The following ITGAV variants were observed in gnomAD, a reference collection of about 807,000 sequenced individuals.
ITGAV encodes the protein integrin alpha-V.
Under a neutral mutation model 143.8 loss-of-function variants are expected in ITGAV, and 76 were observed. That is an observed-to-expected ratio of 0.53 (90% CI 0.44 to 0.64). The LOEUF is 0.64. Ranked by LOEUF, ITGAV falls within the 30% of genes least tolerant of loss-of-function variation. The pLI, the probability that ITGAV is intolerant of heterozygous loss-of-function variation, is 0.00. For missense variants in ITGAV, 1,193 were observed against 1,274.7 expected (o/e 0.94, Z 0.98); for synonymous variants, 453 against 446.7 (o/e 1.01, Z -0.18).
intron 26 of ITGAV, among the ~76,000 whole-genome samples, chr2:186,671,450 A>C (rs1055821305): frequency 3.3e-5 from 5 of 152,078 alleles, no homozygotes; most frequent in African/African-American, 1.2e-4. Context: ...CTTTGTCCAG[A>C]TATCCTTGTG....
intron 4 of ITGAV, among the ~76,000 whole-genome samples, chr2:186,628,124 C>T (rs560005064): frequency 6.6e-6 from 1 of 152,218 alleles, no homozygotes; most frequent in South Asian, 2.1e-4. Flanking sequence ...TGGTAAAACA[C>T]CAATTCACAC....
intron 1 of ITGAV, among the ~76,000 whole-genome samples, chr2:186,598,773 C>A (rs1198950565): frequency 6.6e-6 from 1 of 152,070 alleles, no homozygotes; most frequent in Non-Finnish European, 1.5e-5. Flanking sequence ...AAACTAAGTT[C>A]ATTTTCTACC....
At chr2:186,611,113 G>T (rs938878459) in intron 2 of ITGAV, among the ~76,000 whole-genome samples, 1 of 152,042 alleles carries the variant, frequency 6.6e-6, no homozygotes, top group Non-Finnish European at 1.5e-5. Context: ...TATCTTCAAA[G>T]CCAGCAATAG....
chr2:186,677,422 A>C lies in ITGAV; in HGVS notation c.*130A>C, dbSNP rs1689245819. 1.5e-6 allele frequency: 1 copy of C among 647,794 alleles called. No homozygotes were observed. The highest frequency in any genetic ancestry group is 1.9e-5 in the South Asian group (1 of 52,074). The allele number at this position is 647,794 out of a possible 1,614,324, so 40.1% of individuals were successfully genotyped here. ...GATAGTGCTAATTGGCATTAACCAC[A>C]AAATGAGAATTATATTTGTCAACCT... is the stretch of plus-strand genomic sequence containing the variant. On this transcript the variant is annotated 3_prime_UTR_variant, in exon 30 of 30. Coordinates refer to ENST00000261023, the MANE Select transcript of ITGAV (RefSeq NM_002210.5).
intron 3 of ITGAV, 65 bp from the exon 4 acceptor site, chr2:186,625,408 T>G (rs1051323438): frequency 1.1e-6 from 1 of 933,166 alleles, no homozygotes; most frequent in Non-Finnish European, 1.7e-6. Flanking sequence ...TGAAGTAGTA[T>G]AGAGCATCTG....
chr2:186,639,129 T>TA (rs1553502435), intron 10 of ITGAV, among the ~76,000 whole-genome samples: 2 of 152,118 alleles, frequency 1.3e-5, no homozygotes, highest in Non-Finnish European at 2.9e-5. Flanking sequence ...ATTTCTCAGC[T>TA]AAAAAAATGC....
chr2:186,624,633 A>C (rs1206935510), intron 3 of ITGAV, among the ~76,000 whole-genome samples: 1 of 152,226 alleles, frequency 6.6e-6, no homozygotes, highest in Non-Finnish European at 1.5e-5. Flanking sequence ...AAAATCAATT[A>C]AACCTTTTTC....
chr2:186,635,221 C>T (rs971461932), intron 6 of ITGAV, among the ~76,000 whole-genome samples: 4 of 151,986 alleles, frequency 2.6e-5, no homozygotes, highest in African/African-American at 7.2e-5. Flanking sequence ...TGGATAAGTA[C>T]GTTAGAATGA....
chr2:186,637,334 T>A (rs1382717750), intron 8 of ITGAV, among the ~76,000 whole-genome samples: 1 of 151,464 alleles, frequency 6.6e-6, no homozygotes, highest in African/African-American at 2.4e-5. Context: ...ACACAAAAAT[T>A]AGCCGGGCGC....
intron 23 of ITGAV, 46 bp from the exon 24 acceptor site, chr2:186,667,625 A>G (rs1688936595): frequency 3.9e-6 from 4 of 1,031,806 alleles, no homozygotes; most frequent in African/African-American, 1.6e-5. Flanking sequence ...TGAACTGACT[A>G]TATCATTTTG....
At chr2:186,613,885 C>T (rs933679486) in intron 2 of ITGAV, among the ~76,000 whole-genome samples, 26 of 151,858 alleles carry the variant, frequency 1.7e-4, no homozygotes, top group African/African-American at 5.8e-4. Flanking sequence ...CAATATTCTA[C>T]TCTAATAGTT....
At chr2:186,636,271 G>T in intron 7 of ITGAV, 64 bp downstream of exon 7, 1 of 1,261,638 alleles carries the variant, frequency 7.9e-7, no homozygotes, top group Non-Finnish European at 1.1e-6. Flanking sequence ...ATCTGAGTAT[G>T]GTCTTTTAAG....
intron 12 of ITGAV, 109 bp from the exon 13 acceptor site, chr2:186,646,577 C>A: frequency 1.5e-6 from 1 of 661,770 alleles, no homozygotes; most frequent in Non-Finnish European, 2.6e-6. Context: ...TTCTTCTCTT[C>A]ATCCTTGCCC....
At chr2:186,670,540 A>T (rs1365807797) in intron 26 of ITGAV, among the ~76,000 whole-genome samples, 1 of 152,166 alleles carries the variant, frequency 6.6e-6, no homozygotes, top group Non-Finnish European at 1.5e-5. Flanking sequence ...AGCTCAAGCG[A>T]TCTGCCCACC....
At chr2:186,671,995 A>G (rs1436476951) in intron 26 of ITGAV, among the ~76,000 whole-genome samples, 1 of 130,702 alleles carries the variant, frequency 7.7e-6, no homozygotes, top group South Asian at 2.5e-4. Context: ...TCTGTCACCC[A>G]GGCTGGAGTC....
At chr2:186,669,132 T>C (rs1340668008) in intron 25 of ITGAV, among the ~76,000 whole-genome samples, 2 of 152,232 alleles carry the variant, frequency 1.3e-5, no homozygotes, top group African/African-American at 2.4e-5. Flanking sequence ...CACATCTTCA[T>C]AGAGTGCTTA....
At chr2:186,637,241 G>A in intron 8 of ITGAV, 132 bp downstream of exon 8, 1 of 711,244 alleles carries the variant, frequency 1.4e-6, no homozygotes, top group Non-Finnish European at 2.5e-6. Context: ...CAGCACTTTG[G>A]GAGGCTGAGG....
intron 1 of ITGAV, among the ~76,000 whole-genome samples, chr2:186,598,523 C>G (rs1035067137): frequency 1.3e-5 from 2 of 151,144 alleles, no homozygotes; most frequent in African/African-American, 4.9e-5. Context: ...CTGCAATCTC[C>G]ACCTCCCAGG....
chr2:186,667,312 C>T (rs969033042), intron 23 of ITGAV, 82 bp downstream of exon 23: 1 of 992,198 alleles, frequency 1.0e-6, no homozygotes, highest in Non-Finnish European at 1.6e-6. Flanking sequence ...CTTTTCTGGA[C>T]AATAGACCCT....
Sources: gnomAD v4.1 joint callset for allele counts (sites outside exome capture counted in the v4.1 genomes callset) on GRCh38, gnomAD v4.1.1 for gene constraint, MANE v1.5 for transcripts, NCBI Gene and HGNC (gene_info 2026-07-23, HGNC 2026-07-21) for gene names.